Variants in STPG2 observed in about 807,000 individuals in gnomAD.
STPG2 encodes sperm tail PG-rich repeat containing 2.
A neutral mutation model predicts 54.2 loss-of-function variants in STPG2; 56 were observed. That is an observed-to-expected ratio of 1.03 (90% confidence interval 0.83 to 1.29). The LOEUF is 1.29. Among genes scored for constraint, STPG2 ranks in the 50% most tolerant of loss-of-function variants. The pLI is 0.00. For synonymous variants in STPG2, 200 were observed against 181.8 expected, an observed-to-expected ratio of 1.10 and a Z score of -0.81; for missense variants, 596 against 544.9, an observed-to-expected ratio of 1.09 and a Z score of -0.93.
At chr4:98,082,557 T>G (rs1398796506) in intron 5 of STPG2, among the ~76,000 whole-genome samples, 2 of 141,122 alleles carry the variant, frequency 1.4e-5, no homozygotes, top group Non-Finnish European at 3.0e-5. Flanking sequence ...GTTCACGCCA[T>G]TCTCCTGCCT....
chr4:97,972,453 G>C lies in STPG2; in HGVS notation c.773-13C>G. The C allele has an allele frequency of 1.3e-5, 19 of 1,436,184 alleles. No individual in the cohort carries two copies. Among genetic ancestry groups the C allele is most frequent in the Non-Finnish European group, 1.8e-5 (19 of 1,068,430 alleles). 89.0% of individuals were successfully genotyped at this position (1,436,184 alleles called of 1,614,324 possible). ...TAAAATCCAGGACCTAAAATTATTA[G>C]AAGTATCATATATAAGAATAAGCAT... On this transcript the variant is annotated splice_polypyrimidine_tract_variant and intron_variant, in intron 6 of 10. Transcript: ENST00000295268.
rs540162430 is a variant in STPG2, at chr4:98,046,866, A to C, written c.612+59087T>G. Among the ~76,000 whole-genome samples, 74 of 152,284 alleles carry C rather than the reference A, an allele frequency of 4.9e-4. 1 individual carries two copies. In the South Asian group the frequency reaches 0.015, roughly 32 times the overall value. On this transcript the variant is annotated intron_variant, in intron 5 of 10. Transcript: ENST00000295268. ...GTGGAATAGCTGGAGTCTTGGTTCT[A>C]TCTCTTGAGTGAACCACAAGGAGGA...
chr4:97,749,452 T>C (rs1040863540), intron 9 of STPG2, among the ~76,000 whole-genome samples: 1 of 151,758 alleles, frequency 6.6e-6, no homozygotes, highest in Non-Finnish European at 1.5e-5. Context: ...AGCAAGATAG[T>C]AAGAACTTGC....
downstream of STPG2, among the ~76,000 whole-genome samples, chr4:97,557,759 G>T (rs1270136379): frequency 6.6e-6 from 1 of 152,170 alleles, no homozygotes; most frequent in Admixed American, 6.5e-5. Flanking sequence ...GGATTTTGCA[G>T]GGCATATTGG....
intron 10 of STPG2, among the ~76,000 whole-genome samples, chr4:97,637,610 A>G (rs1317044747): frequency 6.6e-6 from 1 of 152,222 alleles, no homozygotes; most frequent in South Asian, 2.1e-4. Flanking sequence ...TCTCAGCCCA[A>G]AATCTCCTTA....
At chr4:98,033,252 TA>T (rs1013175437) in intron 5 of STPG2, among the ~76,000 whole-genome samples, 5 of 151,250 alleles carry the variant, frequency 3.3e-5, no homozygotes, top group African/African-American at 9.7e-5. Context: ...ATAGATGCAA[TA>T]AAAAATAATA....
At chr4:97,838,544 C>G (rs1307302836) in intron 9 of STPG2, among the ~76,000 whole-genome samples, 1 of 150,912 alleles carries the variant, frequency 6.6e-6, no homozygotes, top group African/African-American at 2.4e-5. Context: ...AAACGTAAAA[C>G]TCTATTTAAA....
At chr4:97,878,477 T>C (rs1364654182) in intron 8 of STPG2, among the ~76,000 whole-genome samples, 1 of 151,788 alleles carries the variant, frequency 6.6e-6, no homozygotes. Flanking sequence ...TTCTTGCCCC[T>C]TTTGTGCAAC....
chr4:97,950,630 T>G (rs572561698), intron 7 of STPG2, among the ~76,000 whole-genome samples: 1 of 152,344 alleles, frequency 6.6e-6, no homozygotes, highest in South Asian at 2.1e-4. Flanking sequence ...AGAGAGCTAG[T>G]GAAACTGCCA....
intron 7 of STPG2, among the ~76,000 whole-genome samples, chr4:97,963,333 A>T (rs894575171): frequency 6.6e-6 from 1 of 152,082 alleles, no homozygotes; most frequent in African/African-American, 2.4e-5. Context: ...CACTTAAAAT[A>T]GTTAATAAAT....
intron 10 of STPG2, among the ~76,000 whole-genome samples, chr4:97,615,476 C>T (rs192858031): frequency 3.3e-5 from 5 of 151,828 alleles, no homozygotes; most frequent in South Asian, 4.2e-4. Context: ...TTTTTAGAGA[C>T]GAAATCTTGC....
intron 6 of STPG2, among the ~76,000 whole-genome samples, chr4:97,978,364 A>C (rs139492567): frequency 1.5e-3 from 231 of 152,340 alleles, no homozygotes; most frequent in African/African-American, 5.2e-3. Flanking sequence ...TTGCAGAAAC[A>C]TGGATGGAGC....
intron 10 of STPG2, among the ~76,000 whole-genome samples, chr4:97,628,985 G>A (rs1401552094): frequency 6.6e-6 from 1 of 151,842 alleles, no homozygotes; most frequent in Non-Finnish European, 1.5e-5. Flanking sequence ...AGTATATTTT[G>A]TCTCCAGCTT....
chr4:97,700,404 T>G (rs147346740), intron 10 of STPG2, among the ~76,000 whole-genome samples: 1 of 152,160 alleles, frequency 6.6e-6, no homozygotes. Flanking sequence ...TCCCAATAGG[T>G]GCAGTAGGCA....
At chr4:97,476,772 T>C (rs940446292) in intron 4 of STPG2, among the ~76,000 whole-genome samples, 1 of 152,220 alleles carries the variant, frequency 6.6e-6, no homozygotes, top group African/African-American at 2.4e-5. Flanking sequence ...AATTACATTG[T>C]TGTTATCACT....
intron 9 of STPG2, among the ~76,000 whole-genome samples, chr4:97,735,646 C>G (rs1472500774): frequency 2.0e-5 from 3 of 148,684 alleles, no homozygotes; most frequent in Non-Finnish European, 4.5e-5. Flanking sequence ...CACATATCTA[C>G]AGATGTGTAT....
intron 8 of STPG2, among the ~76,000 whole-genome samples, chr4:97,924,660 AGAT>A (rs555003475): frequency 5.8e-4 from 88 of 152,322 alleles, no homozygotes; most frequent in African/African-American, 2.1e-3. Context: ...GTTCATCTTA[AGAT>A]GATTAGACAT....
At chr4:97,549,906 G>T (rs1204462539) in intron 4 of STPG2, among the ~76,000 whole-genome samples, 2 of 152,124 alleles carry the variant, frequency 1.3e-5, no homozygotes, top group Middle Eastern at 3.4e-3. Flanking sequence ...CAAGTTTCAG[G>T]TATAATTTAT....
intron 8 of STPG2, among the ~76,000 whole-genome samples, chr4:97,872,092 C>A (rs1488280772): frequency 6.6e-6 from 1 of 151,022 alleles, no homozygotes; most frequent in Non-Finnish European, 1.5e-5. Flanking sequence ...TTAATACCTA[C>A]TCACAATTTT....
Sources: gnomAD v4.1 joint callset for allele counts (sites outside exome capture counted in the v4.1 genomes callset) on GRCh38, gnomAD v4.1.1 for gene constraint, MANE v1.5 for transcripts, NCBI Gene and HGNC (gene_info 2026-07-23, HGNC 2026-07-21) for gene names.